DNAH9: variants seen among roughly 807,000 people sequenced by gnomAD.
DNAH9 encodes the protein dynein axonemal heavy chain 9, also known as DNAH9 variant protein.
Under a neutral mutation model 471.6 loss-of-function variants are expected in DNAH9, and 345 were observed. That is an observed-to-expected ratio of 0.73 (90% CI 0.67 to 0.80). DNAH9 has a LOEUF of 0.80. DNAH9 is among the 30% of genes least tolerant of loss of function. DNAH9 has a pLI of 0.00. For synonymous variants in DNAH9, 2,093 were observed against 2,123.6 expected (o/e 0.99, Z 0.40); for missense variants, 5,407 against 5,609.2 (o/e 0.96, Z 1.15).
At chr17:11,628,131 C>A (rs2073002256) in intron 6 of DNAH9, among the ~76,000 whole-genome samples, 1 of 152,160 alleles carries the variant, frequency 6.6e-6, no homozygotes, top group East Asian at 1.9e-4. Context: ...ATCTTTCCTG[C>A]CTAAGGAATG....
chr17:11,659,529 C>T (rs1263070892), intron 14 of DNAH9, among the ~76,000 whole-genome samples: 1 of 152,176 alleles, frequency 6.6e-6, no homozygotes, highest in Non-Finnish European at 1.5e-5. Context: ...CCCTTGTAGC[C>T]TCTGGAATGT....
At chr17:11,936,120 G>A (rs1354861751) in intron 65 of DNAH9, among the ~76,000 whole-genome samples, 2 of 152,190 alleles carry the variant, frequency 1.3e-5, no homozygotes, top group African/African-American at 4.8e-5. Context: ...TCTTTAATGT[G>A]TTAGTTAATA....
intron 9 of DNAH9, among the ~76,000 whole-genome samples, chr17:11,639,247 A>AGGG: frequency 6.6e-6 from 1 of 152,294 alleles, no homozygotes; most frequent in South Asian, 2.1e-4. Flanking sequence ...GCAGGAAATG[A>AGGG]AAATCATGGA....
At chr17:11,739,374 A>G (rs1414084472) in intron 29 of DNAH9, among the ~76,000 whole-genome samples, 6 of 152,216 alleles carry the variant, frequency 3.9e-5, no homozygotes, top group Non-Finnish European at 5.9e-5. Flanking sequence ...ATGGCTGCAT[A>G]CTTTTTTATC....
chr17:11,772,575 G>T (rs1278515283), intron 38 of DNAH9, among the ~76,000 whole-genome samples: 1 of 152,122 alleles, frequency 6.6e-6, no homozygotes, highest in Non-Finnish European at 1.5e-5. Context: ...CGATTCTCCT[G>T]CCTCAGCCTC....
intron 61 of DNAH9, among the ~76,000 whole-genome samples, chr17:11,906,642 A>G (rs1360684540): frequency 2.6e-5 from 4 of 151,198 alleles, no homozygotes; most frequent in African/African-American, 7.3e-5. Flanking sequence ...AAAAAAAAAA[A>G]AAAAGAAAAT....
At chr17:11,844,006 T>C (rs1157635473) in intron 49 of DNAH9, among the ~76,000 whole-genome samples, 3 of 145,838 alleles carry the variant, frequency 2.1e-5, no homozygotes, top group African/African-American at 7.5e-5. Context: ...TTGTTTTTTA[T>C]CTTTGCTTAA....
In DNAH9 at chr17:11,932,161, ATC is replaced by A; in HGVS notation, c.12257_12258del (p.Ser4086CysfsTer17). On this transcript the variant is annotated frameshift_variant, in exon 64 of 69. Coordinates refer to ENST00000262442, the MANE Select transcript of DNAH9 (RefSeq NM_001372.4). LOFTEE classifies it high-confidence loss of function. This position sits in a 1 kb window ranked among gnomAD's most constrained non-coding sequence, Gnocchi z 4.3. ...CCCCTTTAACACTGGAGACCTCACT[ATC>A]TCTGTGAATGTCCTCTACAACTTCC... Reference protein sequence around the residue: ...SYPFNTGDLTISVNVLYNFLE... With the variant: ...SYPFNTGDLTXSVNVLYNFLE... 1 of 1,614,102 alleles carries A rather than the reference ATC, an allele frequency of 6.2e-7. No individual in the cohort carries two copies. The highest frequency in any genetic ancestry group is 2.2e-5 in the East Asian group (1 of 44,882).
chr17:11,629,152 G>T (rs2073021571), intron 6 of DNAH9, among the ~76,000 whole-genome samples: 1 of 150,884 alleles, frequency 6.6e-6, no homozygotes, highest in Non-Finnish European at 1.5e-5. Flanking sequence ...CAACGTGCAG[G>T]TTTGTTACAT....
In DNAH9 at chr17:11,647,023, T is replaced by C. The variant is rs11870495; in HGVS notation, c.1971-49T>C. The C allele has an allele frequency of 0.35, 565,997 of 1,596,838 alleles. 102,743 individuals are homozygous for C. The highest frequency in any genetic ancestry group is 0.39 in the Middle Eastern group (2,298 of 5,952). ...GTTACAGATCATGACCAGGCACCGG[T>C]GAGCTGGGAGGGGGCTTATGAGGTG... On this transcript the variant is annotated intron_variant, in intron 11 of 68. Transcript: ENST00000262442.
At chr17:11,918,941 G>T (rs182217210) in intron 61 of DNAH9, among the ~76,000 whole-genome samples, 2 of 152,066 alleles carry the variant, frequency 1.3e-5, no homozygotes, top group South Asian at 4.2e-4. Context: ...AGCTGAGATC[G>T]TGCCACTGCA....
At chr17:11,909,825 G>T (rs1174199526) in intron 61 of DNAH9, among the ~76,000 whole-genome samples, 1 of 152,074 alleles carries the variant, frequency 6.6e-6, no homozygotes, top group Non-Finnish European at 1.5e-5. Context: ...ATATTCATAA[G>T]GCTATGTGAC....
intron 27 of DNAH9, among the ~76,000 whole-genome samples, chr17:11,721,166 C>G (rs1180847138): frequency 1.3e-5 from 2 of 152,088 alleles, no homozygotes; most frequent in Non-Finnish European, 2.9e-5. Context: ...TCACTATGGC[C>G]ATTTTACTCA....
chr17:11,905,864 T>G lies in DNAH9; in HGVS notation c.11749+55T>G. On this transcript the variant is annotated intron_variant, in intron 61 of 68. Coordinates refer to ENST00000262442, the MANE Select transcript of DNAH9 (RefSeq NM_001372.4). ...CTGCATTTGCCCCATGCACTTTCATTCTTGGGGTCTATTGATTTCTCTTTT... is the reference window on the plus strand; with the variant it reads ...CTGCATTTGCCCCATGCACTTTCATGCTTGGGGTCTATTGATTTCTCTTTT... 2.0e-6 allele frequency: 3 copies of G among 1,533,032 alleles called. No individual in the cohort carries two copies. In the Middle Eastern group the frequency reaches 5.3e-4, roughly 272 times the overall value. 95.0% of individuals were successfully genotyped at this position (1,533,032 alleles called of 1,614,324 possible). A position where few individuals can be genotyped will look rare whatever the true frequency, so the allele number is the denominator to read the frequency against.
intron 49 of DNAH9, among the ~76,000 whole-genome samples, chr17:11,847,474 C>T (rs1971266299): frequency 6.6e-6 from 1 of 152,146 alleles, no homozygotes; most frequent in African/African-American, 2.4e-5. Context: ...GGAGTCCTTT[C>T]TCCATGACCT....
chr17:11,728,569 G>A (rs1320311431), intron 28 of DNAH9, among the ~76,000 whole-genome samples: 3 of 151,384 alleles, frequency 2.0e-5, no homozygotes, highest in South Asian at 2.1e-4. Flanking sequence ...TGAGATAGAC[G>A]TGAGTACTTT....
chr17:11,690,524 TC>T (rs1378199351), intron 20 of DNAH9, 88 bp downstream of exon 20: 1 of 1,251,950 alleles, frequency 8.0e-7, no homozygotes, highest in African/African-American at 1.5e-5. Flanking sequence ...CTAGGCTCTT[TC>T]CTTTTCTGCC....
At chr17:11,845,845 A>G (rs1323213623) in intron 49 of DNAH9, among the ~76,000 whole-genome samples, 2 of 139,610 alleles carry the variant, frequency 1.4e-5, no homozygotes, top group African/African-American at 5.5e-5. Context: ...CCACTTTTTG[A>G]TGGGGTTGTT....
At chr17:11,803,402 G>A (rs1035395004) in intron 43 of DNAH9, among the ~76,000 whole-genome samples, 6 of 152,034 alleles carry the variant, frequency 3.9e-5, no homozygotes, top group South Asian at 2.1e-4. Context: ...GTGTGTGTGC[G>A]CTCGCACACA....
Sources: allele counts gnomAD v4.1 joint callset (sites outside exome capture counted in the v4.1 genomes callset), GRCh38; gene constraint gnomAD v4.1.1; non-coding constraint Gnocchi (gnomAD v3.1); transcripts MANE v1.5; gene names NCBI Gene and HGNC (gene_info 2026-07-23, HGNC 2026-07-21).